CNOT6: variants seen among roughly 807,000 people sequenced by gnomAD.
CNOT6 encodes CCR4-NOT transcription complex subunit 6.
In CNOT6, 12 loss-of-function variants were observed where a neutral mutation model predicts 61.2. That is an observed-to-expected ratio of 0.20 (90% confidence interval 0.13 to 0.32). The LOEUF (loss-of-function observed/expected upper bound fraction) is 0.32. Among genes scored for constraint, CNOT6 ranks in the 10% least tolerant of loss-of-function variants. CNOT6 has a pLI of 1.00. For missense variants in CNOT6, 405 were observed against 663.9 expected (o/e 0.61, Z 4.28); for synonymous variants, 225 against 240.6 (o/e 0.94, Z 0.60).
rs192518523 is a variant in CNOT6 at position 180,558,909 on chromosome 5, G to T, written c.385+5438G>T. ...TCCCCCCACCTCAGCCTCTGAAGCA[G>T]GTGGGACTACAAGCACTTTACCCCC... On this transcript the variant is annotated intron_variant, in intron 4 of 11. Coordinates refer to ENST00000261951, the MANE Select transcript of CNOT6 (RefSeq NM_001370472.1). 2.9e-4 allele frequency among the ~76,000 whole-genome samples: 44 copies of T among 152,284 alleles called. No individual in the cohort carries two copies. The East Asian group carries it at 7.9e-3, about 27-fold the overall frequency.
At chr5:180,518,504 TG>T (rs893981431) in intron 1 of CNOT6, among the ~76,000 whole-genome samples, 3 of 148,050 alleles carry the variant, frequency 2.0e-5, no homozygotes, top group African/African-American at 2.5e-5. Flanking sequence ...TTTGTGTGTG[TG>T]GGGGGGAGGA....
chr5:180,528,372 A>G (rs943019471), intron 1 of CNOT6, among the ~76,000 whole-genome samples: 14 of 152,120 alleles, frequency 9.2e-5, no homozygotes, highest in Admixed American at 3.3e-4. Flanking sequence ...GTGCAGTGGC[A>G]CGATCTTGGC....
At position 180,526,883 on chromosome 5, in the gene CNOT6, C is replaced by CTT. The variant is rs11366709; in HGVS notation, c.-2-2376_-2-2375dup. ...AAAAAAATCACATACAACCGTAAAA[C>CTT]TTTTTTTTTTTTTTTTTGAGACAGG... On this transcript the variant is annotated intron_variant, in intron 1 of 11. Transcript: ENST00000261951. Among the ~76,000 whole-genome samples the CTT allele has an allele frequency of 5.1e-5, 7 of 138,448 alleles. No individual in the cohort carries two copies. The East Asian group carries it at 6.2e-4, about 12-fold the overall frequency. 90.8% of individuals were successfully genotyped at this position (138,448 alleles called of 152,430 possible).
intron 4 of CNOT6, among the ~76,000 whole-genome samples, chr5:180,558,868 C>T (rs1163445884): frequency 6.6e-6 from 1 of 152,120 alleles, no homozygotes; most frequent in Non-Finnish European, 1.5e-5. Context: ...GCTTCCGACT[C>T]TTGAGGCCCA....
At chr5:180,551,164 C>T (rs1000894657) in intron 3 of CNOT6, among the ~76,000 whole-genome samples, 6 of 148,636 alleles carry the variant, frequency 4.0e-5, no homozygotes, top group East Asian at 2.0e-4. Context: ...GTCAACATAG[C>T]GAGAACCTGG....
At chr5:180,529,095 G>A (rs1484076903) in intron 1 of CNOT6, among the ~76,000 whole-genome samples, 180 bp from the exon 2 acceptor site, 1 of 151,494 alleles carries the variant, frequency 6.6e-6, no homozygotes, top group African/African-American at 2.4e-5. Context: ...TATAGTCCCA[G>A]CTACTTGGGA....
intron 2 of CNOT6, among the ~76,000 whole-genome samples, chr5:180,537,715 T>G (rs1314874071): frequency 6.6e-6 from 1 of 152,162 alleles, no homozygotes; most frequent in Non-Finnish European, 1.5e-5. Flanking sequence ...TATCTCCATT[T>G]ATTTAGTTCT....
intron 1 of CNOT6, among the ~76,000 whole-genome samples, chr5:180,514,388 C>T (rs1449693007): frequency 1.3e-5 from 2 of 152,212 alleles, no homozygotes; most frequent in African/African-American, 4.8e-5. Context: ...CGCCACTGCA[C>T]TCCAGCCTAG....
chr5:180,552,411 G>A (rs1759655171), intron 3 of CNOT6, among the ~76,000 whole-genome samples: 1 of 151,862 alleles, frequency 6.6e-6, no homozygotes, highest in South Asian at 2.1e-4. Context: ...GGAGGCCGAG[G>A]CGGGCGGATC....
chr5:180,524,247 C>A (rs1165174756), intron 1 of CNOT6, among the ~76,000 whole-genome samples: 1 of 152,126 alleles, frequency 6.6e-6, no homozygotes, highest in East Asian at 1.9e-4. Context: ...TAGTAATCTT[C>A]AGTGACATAC....
At chr5:180,572,258 C>T (rs943587149) in intron 11 of CNOT6, among the ~76,000 whole-genome samples, 2 of 151,664 alleles carry the variant, frequency 1.3e-5, no homozygotes, top group African/African-American at 2.4e-5. Flanking sequence ...GGCGTGATCT[C>T]GGCTCACTGC....
chr5:180,574,260 G>A lies in CNOT6; in HGVS notation c.*60G>A. On this transcript the variant is annotated 3_prime_UTR_variant, in exon 12 of 12. Coordinates refer to ENST00000261951, the MANE Select transcript of CNOT6 (RefSeq NM_001370472.1). ...GTAAACTTGTGAAAATCTGAACATA[G>A]GGGAGTGAGGTATGGCCACTGAGGA... The A allele has an allele frequency of 7.2e-7, 1 of 1,397,100 alleles. No homozygotes were observed. Among genetic ancestry groups the A allele is most frequent in the Non-Finnish European group, 1.0e-6 (1 of 984,084 alleles). 86.5% of individuals were successfully genotyped at this position (1,397,100 alleles called of 1,614,324 possible).
chr5:180,540,930 T>G (rs1758997889), intron 2 of CNOT6, among the ~76,000 whole-genome samples: 1 of 152,174 alleles, frequency 6.6e-6, no homozygotes, highest in Non-Finnish European at 1.5e-5. Context: ...AGTGCAAGTT[T>G]CTGTAATTTT....
chr5:180,564,228 G>A (rs1297434690), intron 4 of CNOT6, among the ~76,000 whole-genome samples: 2 of 152,170 alleles, frequency 1.3e-5, no homozygotes, highest in Non-Finnish European at 2.9e-5. Flanking sequence ...TGTTGGCAAG[G>A]CAGGGTCAGA....
At chr5:180,524,765 A>G (rs763872727) in intron 1 of CNOT6, among the ~76,000 whole-genome samples, 1 of 152,234 alleles carries the variant, frequency 6.6e-6, no homozygotes, top group Non-Finnish European at 1.5e-5. Flanking sequence ...AACTTTCATC[A>G]ATAATTCTAA....
intron 2 of CNOT6, among the ~76,000 whole-genome samples, chr5:180,547,433 T>C (rs985614168): frequency 6.6e-6 from 1 of 151,738 alleles, no homozygotes; most frequent in African/African-American, 2.4e-5. Flanking sequence ...GGCAGGAGAA[T>C]CGCTTGAACC....
At chr5:180,509,213 C>A (rs1202179583) in intron 1 of CNOT6, among the ~76,000 whole-genome samples, 1 of 152,154 alleles carries the variant, frequency 6.6e-6, no homozygotes, top group African/African-American at 2.4e-5. Context: ...CTCACTGCAA[C>A]CTCCGCCTCC....
At chr5:180,495,064 C>T (rs1756538162) in intron 1 of CNOT6, among the ~76,000 whole-genome samples, 1 of 152,136 alleles carries the variant, frequency 6.6e-6, no homozygotes, top group Non-Finnish European at 1.5e-5. Context: ...GTCCCGGCTG[C>T]CGTCGTCGGA....
intron 2 of CNOT6, among the ~76,000 whole-genome samples, chr5:180,548,292 C>T (rs1479182027): frequency 2.0e-5 from 3 of 152,200 alleles, no homozygotes; most frequent in Non-Finnish European, 2.9e-5. Context: ...GAAGTCTAGC[C>T]TCAGTTCTGT....
Sources: allele counts gnomAD v4.1 joint callset (sites outside exome capture counted in the v4.1 genomes callset), GRCh38; gene constraint gnomAD v4.1.1; transcripts MANE v1.5; gene names NCBI Gene and HGNC (gene_info 2026-07-23, HGNC 2026-07-21).